Variants in CBL observed in about 807,000 individuals in gnomAD.
CBL encodes the protein E3 ubiquitin-protein ligase CBL.
CBL carries 45 observed loss-of-function variants against 96.9 expected under a neutral mutation model. That is an observed-to-expected ratio of 0.46 (90% CI 0.37 to 0.60). CBL has a LOEUF of 0.60. Ranked by LOEUF, CBL falls within the 20% of genes least tolerant of loss-of-function variation. CBL has a pLI of 0.00. For missense variants in CBL, 1,024 were observed against 1,143.5 expected, an observed-to-expected ratio of 0.90 and a Z score of 1.51; for synonymous variants, 420 against 426.8, an observed-to-expected ratio of 0.98 and a Z score of 0.20.
chr11:119,243,731 C>CT (rs912840980), intron 2 of CBL, among the ~76,000 whole-genome samples: 23 of 147,036 alleles, frequency 1.6e-4, no homozygotes, highest in Admixed American at 2.0e-4. Context: ...GATCAAAAAA[C>CT]TTTTTTTTTT....
At chr11:119,239,740 A>C (rs564155796) in intron 2 of CBL, among the ~76,000 whole-genome samples, 2 of 151,968 alleles carry the variant, frequency 1.3e-5, no homozygotes, top group South Asian at 4.1e-4. Flanking sequence ...CATCAGGTTA[A>C]AGAAGTTTCC....
chr11:119,246,733 T>A (rs1169927910), intron 2 of CBL, among the ~76,000 whole-genome samples: 1 of 152,254 alleles, frequency 6.6e-6, no homozygotes, highest in African/African-American at 2.4e-5. Context: ...ATTACAGGTG[T>A]GAGCCAGTGC....
rs1233024612 is a variant in CBL, at chr11:119,305,419, T to G, written c.*5638T>G. 4.3e-6 allele frequency: 1 copy of G among 230,382 alleles called. No individual in the cohort carries two copies. Among genetic ancestry groups the G allele is most frequent in the African/African-American group, 2.2e-5 (1 of 45,170 alleles). 14.3% of individuals were successfully genotyped at this position (230,382 alleles called of 1,614,324 possible). On this transcript the variant is annotated 3_prime_UTR_variant, in exon 16 of 16. Transcript: ENST00000264033. ...ATAACGGGTTCCACTGTAGCCACTA[T>G]CCATGGACTTCTGGGTCCTCTTCAG...
chr11:119,257,133 T>A (rs1337172423), intron 2 of CBL, among the ~76,000 whole-genome samples: 1 of 152,248 alleles, frequency 6.6e-6, no homozygotes, highest in Admixed American at 6.5e-5. Flanking sequence ...ATTTAGTTCT[T>A]TGAGAAATCT....
rs117804312 is a variant in CBL, at chr11:119,302,204, C to T, written c.*2423C>T. 2,709 of 232,898 alleles carry T rather than the reference C, an allele frequency of 0.012. 16 individuals carry two copies. Among genetic ancestry groups the T allele is most frequent in the Non-Finnish European group, 0.018 (2,099 of 117,828 alleles). 14.4% of individuals were successfully genotyped at this position (232,898 alleles called of 1,614,324 possible). A position where few individuals can be genotyped will look rare whatever the true frequency, so the allele number is the denominator to read the frequency against. On this transcript the variant is annotated 3_prime_UTR_variant, in exon 16 of 16. Transcript: ENST00000264033. ...GTGTCAGTTTGTCACAGGTATCTGC[C>T]AGCATTCAAGGTTTTGGATCATTTC...
chr11:119,294,345 C>G (rs1261009909), intron 12 of CBL, among the ~76,000 whole-genome samples: 3 of 150,800 alleles, frequency 2.0e-5, no homozygotes, highest in Non-Finnish European at 4.4e-5. Context: ...AGGAGAAATG[C>G]TTGAATCTGG....
At chr11:119,271,118 T>G (rs934295396) in intron 2 of CBL, among the ~76,000 whole-genome samples, 4 of 152,254 alleles carry the variant, frequency 2.6e-5, no homozygotes, top group African/African-American at 9.6e-5. Context: ...GACTTATTTA[T>G]CTTTTATTTA....
chr11:119,305,586 A>G lies in CBL; in HGVS notation c.*5805A>G, dbSNP rs1950130522. ...AGCCTTCCTAGGCACCTCAGAAACT[A>G]CTTTGCCAGAGCCAGTAAGAATATA... On this transcript the variant is annotated 3_prime_UTR_variant, in exon 16 of 16. Transcript: ENST00000264033. 4.4e-6 allele frequency: 1 copy of G among 226,722 alleles called. No individual in the cohort carries two copies. The highest frequency in any genetic ancestry group is 8.8e-6 in the Non-Finnish European group (1 of 114,108). The allele number at this position is 226,722 out of a possible 1,614,324, so 14.0% of individuals were successfully genotyped here.
chr11:119,259,987 C>A (rs1359557461), intron 2 of CBL, among the ~76,000 whole-genome samples: 1 of 152,160 alleles, frequency 6.6e-6, no homozygotes, highest in East Asian at 1.9e-4. Flanking sequence ...AGCAAATGGA[C>A]CGTTCCATTC....
At chr11:119,265,491 G>A (rs1424760556) in intron 2 of CBL, among the ~76,000 whole-genome samples, 1 of 152,146 alleles carries the variant, frequency 6.6e-6, no homozygotes, top group Non-Finnish European at 1.5e-5. Context: ...ATTATCTGCA[G>A]ACAGAAAATA....
At chr11:119,296,158 A>G (rs1037795080) in intron 12 of CBL, among the ~76,000 whole-genome samples, 2 of 152,202 alleles carry the variant, frequency 1.3e-5, no homozygotes, top group Admixed American at 1.3e-4. Flanking sequence ...CAGACAAACG[A>G]AAGAGATGCT....
At chr11:119,272,355 C>T (rs1949855891) in intron 3 of CBL, among the ~76,000 whole-genome samples, 1 of 152,158 alleles carries the variant, frequency 6.6e-6, no homozygotes. Context: ...CTTCTGACCT[C>T]GTGATCCACC....
At chr11:119,219,269 C>T (rs749825935) in intron 1 of CBL, among the ~76,000 whole-genome samples, 29 of 151,040 alleles carry the variant, frequency 1.9e-4, no homozygotes, top group Non-Finnish European at 2.7e-4. Flanking sequence ...ATCCCATCTA[C>T]GTGGGAGGAG....
intron 1 of CBL, among the ~76,000 whole-genome samples, chr11:119,209,899 G>A (rs1350619768): frequency 1.3e-5 from 2 of 152,190 alleles, no homozygotes; most frequent in Non-Finnish European, 2.9e-5. Flanking sequence ...TTGGAAAAAT[G>A]TTTGTGCTAG....
At chr11:119,243,668 GGTAA>G (rs796102565) in intron 2 of CBL, among the ~76,000 whole-genome samples, 6 of 151,772 alleles carry the variant, frequency 4.0e-5, no homozygotes, top group African/African-American at 1.4e-4. Flanking sequence ...AAATAACAAC[GGTAA>G]GTATTAGAAT....
At chr11:119,296,873 C>T (rs1363559048) in intron 12 of CBL, 45 bp from the exon 13 acceptor site, 3 of 964,386 alleles carry the variant, frequency 3.1e-6, no homozygotes, top group Non-Finnish European at 5.1e-6. Flanking sequence ...TCAAAGTTTA[C>T]TGGTTTGTTA....
At chr11:119,294,013 T>C (rs551920066) in intron 12 of CBL, among the ~76,000 whole-genome samples, 84 of 152,342 alleles carry the variant, frequency 5.5e-4, no homozygotes, top group African/African-American at 1.9e-3. Context: ...GCCTGTTAAG[T>C]CGTGGCTGCC....
At chr11:119,226,999 A>G (rs571059142) in intron 1 of CBL, among the ~76,000 whole-genome samples, 3 of 152,020 alleles carry the variant, frequency 2.0e-5, no homozygotes, top group East Asian at 3.9e-4. Flanking sequence ...ACCACTTACC[A>G]CTTTAAGACC....
chr11:119,251,519 A>G (rs561903387), intron 2 of CBL, among the ~76,000 whole-genome samples: 1 of 152,370 alleles, frequency 6.6e-6, no homozygotes, highest in South Asian at 2.1e-4. Flanking sequence ...AACATCATAT[A>G]AAGTAGTAAA....
Sources: allele counts gnomAD v4.1 joint callset (sites outside exome capture counted in the v4.1 genomes callset), GRCh38; gene constraint gnomAD v4.1.1; transcripts MANE v1.5; gene names NCBI Gene and HGNC (gene_info 2026-07-23, HGNC 2026-07-21).